The following AP3B1 variants were observed in gnomAD, a reference collection of about 807,000 sequenced individuals.
AP3B1 encodes the protein AP-3 complex subunit beta-1.
AP3B1 carries 61 observed loss-of-function variants against 132.5 expected under a neutral mutation model. The observed-to-expected ratio is 0.46, with a 90% CI of 0.37 to 0.57. The LOEUF (loss-of-function observed/expected upper bound fraction) is 0.57. Ranked by LOEUF, AP3B1 falls within the 20% of genes least tolerant of loss-of-function variation. The probability of loss-of-function intolerance (pLI) is 0.00; values close to 1 mark genes in which losing one functional copy is unlikely to be tolerated. For synonymous variants in AP3B1, 388 were observed against 438.3 expected, an observed-to-expected ratio of 0.89 and a Z score of 1.43; for missense variants, 1,120 against 1,289.4, an observed-to-expected ratio of 0.87 and a Z score of 2.01.
At chr5:78,193,732 G>GTGTATATATATATATATATATCTA (rs1340871803) in intron 7 of AP3B1, among the ~76,000 whole-genome samples, 1 of 89,254 alleles carries the variant, frequency 1.1e-5, no homozygotes, top group East Asian at 2.5e-4. Flanking sequence ...TTAAATATTT[G>GTGTATATATATATATATATATCTA]TATATATTTT....
chr5:78,224,596 T>C (rs985711857), intron 6 of AP3B1, among the ~76,000 whole-genome samples: 9 of 152,026 alleles, frequency 5.9e-5, no homozygotes, highest in Non-Finnish European at 7.4e-5. Flanking sequence ...GCCAACTATA[T>C]GCTGTCTATG....
rs1305575930 is a variant in AP3B1 at position 78,096,874 on chromosome 5, C to T, written c.2470+4079G>A. On this transcript the variant is annotated intron_variant, in intron 21 of 26. Coordinates refer to ENST00000255194, the MANE Select transcript of AP3B1 (RefSeq NM_003664.5). ...CCCCCGCCAGGCCAGCCGCCCCGTC[C>T]GGGAGGGAGGTAGGGGGTCAGCCCC... Among the ~76,000 whole-genome samples, 217 of 149,954 alleles carry T rather than the reference C, an allele frequency of 1.4e-3. 1 individual carries two copies. Among genetic ancestry groups the T allele is most frequent in the African/African-American group, 5.1e-3 (206 of 40,682 alleles).
In AP3B1 at chr5:78,141,123, G is replaced by C. The variant is rs374194943; in HGVS notation, c.1650+20C>G. ...GAGGAAAGTACGTATTAGATAGGTT[G>C]ACTAACATTTGCCTCTCACCTGTTT... On this transcript the variant is annotated intron_variant, in intron 15 of 26. Transcript: ENST00000255194. 5.6e-5 allele frequency: 90 copies of C among 1,609,154 alleles called. No individual in the cohort carries two copies. Among genetic ancestry groups the C allele is most frequent in the Non-Finnish European group, 6.7e-5 (79 of 1,175,858 alleles).
rs1010240018 is a variant in AP3B1 at position 78,128,533 on chromosome 5, G to A, written c.1838-373C>T. 2.6e-5 allele frequency among the ~76,000 whole-genome samples: 4 copies of A among 151,932 alleles called. No individual in the cohort carries two copies. In the East Asian group the frequency reaches 5.8e-4, roughly 22 times the overall value. On this transcript the variant is annotated intron_variant, in intron 16 of 26. Coordinates refer to ENST00000255194, the MANE Select transcript of AP3B1 (RefSeq NM_003664.5). The stretch of plus-strand genomic sequence containing the variant: ...CTACAAAACTGAATTGCTTTTTATC[G>A]CTTTAAAATAAGAACATTAAATAAG...
At chr5:78,097,371 C>T (rs1172969460) in intron 21 of AP3B1, among the ~76,000 whole-genome samples, 1 of 129,102 alleles carries the variant, frequency 7.7e-6, no homozygotes, top group Admixed American at 7.4e-5. Flanking sequence ...CCGCCCTGTC[C>T]GGGAGGGAGG....
chr5:78,203,760 T>C (rs1745394932), intron 7 of AP3B1, among the ~76,000 whole-genome samples: 1 of 152,162 alleles, frequency 6.6e-6, no homozygotes, highest in South Asian at 2.1e-4. Flanking sequence ...CTCTTAAGTC[T>C]CTTGAGCTCT....
intron 15 of AP3B1, among the ~76,000 whole-genome samples, chr5:78,134,210 A>T (rs896527320): frequency 6.6e-6 from 1 of 151,736 alleles, no homozygotes. Flanking sequence ...TCTGACAATA[A>T]ACTGGGAAAT....
chr5:78,027,922 TC>T (rs1441066682), intron 24 of AP3B1, among the ~76,000 whole-genome samples: 1 of 151,934 alleles, frequency 6.6e-6, no homozygotes, highest in Non-Finnish European at 1.5e-5. Context: ...GGTCAGGAGT[TC>T]AAGACCAGCC....
chr5:78,143,078 T>C (rs1753221702), intron 14 of AP3B1, among the ~76,000 whole-genome samples: 1 of 152,118 alleles, frequency 6.6e-6, no homozygotes, highest in Non-Finnish European at 1.5e-5. Flanking sequence ...TCAGTTATGC[T>C]AGATTTATTT....
chr5:78,227,862 C>T (rs1377088303), intron 4 of AP3B1, among the ~76,000 whole-genome samples: 1 of 152,050 alleles, frequency 6.6e-6, no homozygotes, highest in Non-Finnish European at 1.5e-5. Flanking sequence ...ACCCCTTTTG[C>T]GTACTTTCAA....
At chr5:78,135,133 T>C (rs949569795) in intron 15 of AP3B1, among the ~76,000 whole-genome samples, 1 of 152,182 alleles carries the variant, frequency 6.6e-6, no homozygotes, top group Non-Finnish European at 1.5e-5. Context: ...GAATCTGCTT[T>C]TAACTTTAGG....
intron 17 of AP3B1, among the ~76,000 whole-genome samples, chr5:78,117,237 G>GT (rs1262451937): frequency 1.8e-5 from 2 of 109,038 alleles, no homozygotes; most frequent in Admixed American, 1.1e-4. Context: ...CAATCTACTT[G>GT]TTTTTTTAAC....
intron 26 of AP3B1, among the ~76,000 whole-genome samples, chr5:78,007,396 GT>G (rs1424498542): frequency 6.6e-6 from 1 of 151,120 alleles, no homozygotes; most frequent in East Asian, 1.9e-4. Flanking sequence ...TGTTCTACTG[GT>G]TACCAGAAGC....
At chr5:78,267,908 C>A (rs1034803039) in intron 1 of AP3B1, among the ~76,000 whole-genome samples, 1 of 151,164 alleles carries the variant, frequency 6.6e-6, no homozygotes, top group African/African-American at 2.4e-5. Context: ...ACTGTCATTG[C>A]AAGAAAAAAA....
At chr5:78,199,143 T>C (rs1197520714) in intron 7 of AP3B1, among the ~76,000 whole-genome samples, 3 of 152,232 alleles carry the variant, frequency 2.0e-5, no homozygotes, top group East Asian at 1.9e-4. Flanking sequence ...AGTAACTTTG[T>C]GTTGAGCCAC....
intron 22 of AP3B1, among the ~76,000 whole-genome samples, chr5:78,068,119 G>A (rs1749372360): frequency 6.6e-6 from 1 of 152,130 alleles, no homozygotes; most frequent in African/African-American, 2.4e-5. Flanking sequence ...GACGTCAGGA[G>A]TTGGAGACCA....
At chr5:78,019,864 C>A (rs1248993847) in intron 25 of AP3B1, among the ~76,000 whole-genome samples, 2 of 151,880 alleles carry the variant, frequency 1.3e-5, no homozygotes, top group Non-Finnish European at 2.9e-5. Flanking sequence ...TGATTTACTA[C>A]CTCAAAATGA....
intron 14 of AP3B1, among the ~76,000 whole-genome samples, chr5:78,152,948 G>A (rs2112350827): frequency 6.6e-6 from 1 of 152,158 alleles, no homozygotes; most frequent in East Asian, 1.9e-4. Flanking sequence ...CTTGTTTTGT[G>A]ACCTAACATA....
intron 7 of AP3B1, among the ~76,000 whole-genome samples, chr5:78,193,903 T>C (rs1031934657): frequency 2.6e-5 from 4 of 151,032 alleles, no homozygotes; most frequent in African/African-American, 9.7e-5. Context: ...TACAGGCACC[T>C]GCCACCACAC....
Sources: allele counts gnomAD v4.1 joint callset (sites outside exome capture counted in the v4.1 genomes callset), GRCh38; gene constraint gnomAD v4.1.1; transcripts MANE v1.5; gene names NCBI Gene and HGNC (gene_info 2026-07-23, HGNC 2026-07-21).